CCDC82: variants seen among roughly 807,000 people sequenced by gnomAD.
CCDC82 encodes the protein coiled-coil domain-containing protein 82.
In CCDC82, 47 loss-of-function variants were observed where a neutral mutation model predicts 60.6. The ratio of observed to expected loss-of-function variants is 0.77; its 90% confidence interval spans 0.61 to 0.99. The LOEUF (loss-of-function observed/expected upper bound fraction) is 0.99. Among genes scored for constraint, CCDC82 ranks in the 50% least tolerant of loss-of-function variants. The pLI is 0.00. For missense variants in CCDC82, 588 were observed against 633.0 expected, an observed-to-expected ratio of 0.93 and a Z score of 0.76; for synonymous variants, 212 against 207.4, an observed-to-expected ratio of 1.02 and a Z score of -0.19.
chr11:96,383,026 T>C, intron 5 of CCDC82: 1 of 370,882 alleles, frequency 2.7e-6, no homozygotes, highest in Non-Finnish European at 4.8e-6. Context: ...TTTTGATTTC[T>C]ACAATGGTAA....
intron 5 of CCDC82, among the ~76,000 whole-genome samples, chr11:96,377,893 TTTC>T (rs1194956432): frequency 6.6e-6 from 1 of 152,074 alleles, no homozygotes; most frequent in Non-Finnish European, 1.5e-5. Flanking sequence ...TCAAGAATAC[TTTC>T]TTCTATAATA....
chr11:96,379,318 A>T (rs2136182110), intron 5 of CCDC82, among the ~76,000 whole-genome samples: 1 of 151,954 alleles, frequency 6.6e-6, no homozygotes, highest in East Asian at 1.9e-4. Context: ...AAAAATATCA[A>T]CTCAATCATA....
intron 9 of CCDC82, chr11:96,356,445 ATAC>A (rs1473860338): frequency 5.1e-6 from 5 of 985,262 alleles, no homozygotes; most frequent in Non-Finnish European, 6.0e-6. Flanking sequence ...TGGGCATCTG[ATAC>A]TTCTATTGAC....
Position 96,358,909 on chromosome 11 carries a change from T to C in CCDC82, c.1566+84A>G, listed in dbSNP as rs957676314. ...AGAAAGAGATTCTCTTAAATTTCACTATCTTTTAATCATTTGTTTCCTTTT... is the reference window on the plus strand; with the variant it reads ...AGAAAGAGATTCTCTTAAATTTCACCATCTTTTAATCATTTGTTTCCTTTT... On this transcript the variant is annotated intron_variant, in intron 9 of 9. Coordinates refer to ENST00000646818, the MANE Select transcript of CCDC82 (RefSeq NM_024725.4). The C allele has an allele frequency of 9.1e-6, 11 of 1,204,722 alleles. No individual in the cohort carries two copies. In the African/African-American group the frequency reaches 1.7e-4, roughly 19 times the overall value. The allele number at this position is 1,204,722 out of a possible 1,614,324, so 74.6% of individuals were successfully genotyped here.
chr11:96,372,948 C>CA (rs1254481763), intron 6 of CCDC82, among the ~76,000 whole-genome samples: 1 of 151,836 alleles, frequency 6.6e-6, no homozygotes, highest in Admixed American at 6.6e-5. Context: ...AATGTTTTTA[C>CA]ACTCACCTAA....
chr11:96,378,889 T>C (rs1189287103), intron 5 of CCDC82, among the ~76,000 whole-genome samples: 1 of 151,972 alleles, frequency 6.6e-6, no homozygotes, highest in East Asian at 1.9e-4. Context: ...ACTATGACTG[T>C]AGCAAGAGGG....
chr11:96,383,935 T>C (rs1866024894), intron 4 of CCDC82, 27 bp downstream of exon 4: 1 of 1,557,242 alleles, frequency 6.4e-7, no homozygotes, highest in Non-Finnish European at 8.7e-7. Flanking sequence ...TGAAAAACAA[T>C]AACAAATCCA....
At chr11:96,386,341 C>A (rs1220512600) in intron 2 of CCDC82, 48 bp from the exon 3 acceptor site, 2 of 152,220 alleles carry the variant, frequency 1.3e-5, no homozygotes, top group Non-Finnish European at 2.9e-5. Context: ...TGTACAAATT[C>A]TGGTATGTTT....
rs1388098736 is a variant in CCDC82 at position 96,372,695 on chromosome 11, TA to T, written c.1084+679del. Among the ~76,000 whole-genome samples, 3 of 144,390 alleles carry T rather than the reference TA, an allele frequency of 2.1e-5. No homozygotes were observed. The South Asian group carries it at 6.3e-4, about 30-fold the overall frequency. The allele number at this position is 144,390 out of a possible 152,430, so 94.7% of individuals were successfully genotyped here. On this transcript the variant is annotated intron_variant, in intron 6 of 9. Coordinates refer to ENST00000646818, the MANE Select transcript of CCDC82 (RefSeq NM_024725.4). ...ACATATATAAATATAAATAAATATA[TA>T]AAAATATATATATACATATATATTT... is the stretch of plus-strand genomic sequence containing the variant.
chr11:96,358,701 T>A, intron 9 of CCDC82: 1 of 1,198,506 alleles, frequency 8.3e-7, no homozygotes, highest in Non-Finnish European at 1.1e-6. Flanking sequence ...ACTTAATATA[T>A]ATGTAAGCAA....
Position 96,373,476 on chromosome 11 carries a change from AAT to A in CCDC82, c.992-11_992-10del. ...GTGGTCACTAAAAGAATCTGAAATT[AAT>A]TTCAAATAAATATTAGAACAGAGCA... On this transcript the variant is annotated splice_polypyrimidine_tract_variant and intron_variant, in intron 5 of 9. Coordinates refer to ENST00000646818, the MANE Select transcript of CCDC82 (RefSeq NM_024725.4). 3 of 1,511,830 alleles carry A rather than the reference AAT, an allele frequency of 2.0e-6. No individual in the cohort carries two copies. The highest frequency in any genetic ancestry group is 2.7e-6 in the Non-Finnish European group (3 of 1,094,036). The allele number at this position is 1,511,830 out of a possible 1,614,324, so 93.7% of individuals were successfully genotyped here. A position where few individuals can be genotyped will look rare whatever the true frequency, so the allele number is the denominator to read the frequency against.
chr11:96,358,320 A>C, intron 9 of CCDC82: 1 of 1,195,570 alleles, frequency 8.4e-7, no homozygotes, highest in Non-Finnish European at 1.0e-6. Context: ...AACAATTCTA[A>C]AAGCTCTGTG....
chr11:96,370,896 T>C, intron 7 of CCDC82, 117 bp downstream of exon 7: 2 of 838,096 alleles, frequency 2.4e-6, no homozygotes, highest in Non-Finnish European at 3.4e-6. Flanking sequence ...AATAATAAGC[T>C]GATTATTTAA....
At chr11:96,389,619 G>A (rs111392237) in intron 1 of CCDC82, 11,102 of 152,678 alleles carry the variant, frequency 0.073, 447 homozygotes, top group Middle Eastern at 0.091. Context: ...ACCTCCCCAA[G>A]GCGGAAATAA....
At chr11:96,373,564 TA>T in intron 5 of CCDC82, 97 bp from the exon 6 acceptor site, 1 of 687,028 alleles carries the variant, frequency 1.5e-6, no homozygotes, top group South Asian at 1.9e-5. Flanking sequence ...ATTAAAACTA[TA>T]GATAGCACAA....
At chr11:96,366,774 A>C (rs1232089403) in intron 7 of CCDC82, among the ~76,000 whole-genome samples, 2 of 152,170 alleles carry the variant, frequency 1.3e-5, no homozygotes, top group Non-Finnish European at 2.9e-5. Flanking sequence ...GATAAAAAAA[A>C]TTTTAGTTTA....
chr11:96,363,884 T>C (rs1864802989), intron 8 of CCDC82: 1 of 152,220 alleles, frequency 6.6e-6, no homozygotes, highest in Admixed American at 6.5e-5. Context: ...CATATATTTG[T>C]TAACTTTTAT....
intron 5 of CCDC82, among the ~76,000 whole-genome samples, chr11:96,373,853 G>A (rs1865424721): frequency 6.6e-6 from 1 of 152,130 alleles, no homozygotes; most frequent in Non-Finnish European, 1.5e-5. Context: ...GTCTTATTCT[G>A]TAAAACGCGT....
At chr11:96,375,143 A>T (rs569106086) in intron 5 of CCDC82, among the ~76,000 whole-genome samples, 1 of 152,294 alleles carries the variant, frequency 6.6e-6, no homozygotes, top group South Asian at 2.1e-4. Flanking sequence ...GGGACTATTA[A>T]CAGATGTGTT....
Sources: gnomAD v4.1 joint callset for allele counts (sites outside exome capture counted in the v4.1 genomes callset) on GRCh38, gnomAD v4.1.1 for gene constraint, MANE v1.5 for transcripts, NCBI Gene and HGNC (gene_info 2026-07-23, HGNC 2026-07-21) for gene names.